The following HNRNPH1 variants were observed in gnomAD, a reference collection of about 807,000 sequenced individuals.
HNRNPH1 encodes heterogeneous nuclear ribonucleoprotein H.
Under a neutral mutation model 58.6 loss-of-function variants are expected in HNRNPH1, and 4 were observed. That is an observed-to-expected ratio of 0.07 (90% confidence interval 0.03 to 0.16). The LOEUF (loss-of-function observed/expected upper bound fraction) is 0.16. HNRNPH1 is among the 10% of genes least tolerant of loss of function. The pLI, the probability that HNRNPH1 is intolerant of heterozygous loss-of-function variation, is 1.00. For missense variants in HNRNPH1, 271 were observed against 564.2 expected (o/e 0.48, Z 5.26); for synonymous variants, 192 against 189.2 (o/e 1.01, Z -0.12).
At chr5:179,630,117 G>A (rs982437411) in intron 2 of HNRNPH1, among the ~76,000 whole-genome samples, 5 of 152,128 alleles carry the variant, frequency 3.3e-5, no homozygotes, top group East Asian at 3.8e-4. Flanking sequence ...GGGAGGCCAA[G>A]GTGGGTGGAT....
chr5:179,617,581 T>C (rs745340265), exon 8 of HNRNPH1: 1 of 1,614,036 alleles, frequency 6.2e-7, no homozygotes, highest in Non-Finnish European at 8.5e-7. Flanking sequence ...CGACATCTGC[T>C]TCACCAGTTA....
Position 179,623,176 on chromosome 5 carries a change from G to C in HNRNPH1, c.-43C>G. The C allele has an allele frequency of 6.9e-7, 1 of 1,456,628 alleles. No homozygotes were observed. Among genetic ancestry groups the C allele is most frequent in the Non-Finnish European group, 9.6e-7 (1 of 1,043,732 alleles). 90.2% of individuals were successfully genotyped at this position (1,456,628 alleles called of 1,614,324 possible). A position where few individuals can be genotyped will look rare whatever the true frequency, so the allele number is the denominator to read the frequency against. On this transcript the variant is annotated 5_prime_UTR_variant, in exon 1 of 13. Coordinates refer to ENST00000356731, the Ensembl canonical transcript of HNRNPH1. Reference sequence around the variant, plus strand: ...GGCGTCGAAACAAACTGCAAAGCGGGGAGGACCAGAACTGAGAGCGCCAAT... The same window carrying C: ...GGCGTCGAAACAAACTGCAAAGCGGCGAGGACCAGAACTGAGAGCGCCAAT...
chr5:179,617,726 G>A (rs1770477546), intron 7 of HNRNPH1, 73 bp downstream of exon 8: 15 of 1,602,814 alleles, frequency 9.4e-6, no homozygotes, highest in South Asian at 2.2e-5. Context: ...CTAACATAGT[G>A]CTCACATTTA....
chr5:179,626,682 C>G (rs906347151), upstream of HNRNPH1, among the ~76,000 whole-genome samples: 54 of 149,190 alleles, frequency 3.6e-4, no homozygotes, highest in Middle Eastern at 3.4e-3. Context: ...CACCACTGCA[C>G]TCCTGCCTGG....
At chr5:179,627,939 A>G (rs560183838), upstream of HNRNPH1, among the ~76,000 whole-genome samples, 1 of 148,116 alleles carries the variant, frequency 6.8e-6, no homozygotes, top group African/African-American at 2.5e-5. Flanking sequence ...AAAAAAGGAA[A>G]AAAATACCAA....
Position 179,623,023 on chromosome 5 carries a change from T to C in HNRNPH1, c.97+14A>G, listed in dbSNP as rs1228447098. On this transcript the variant is annotated intron_variant, in intron 1 of 12. Transcript: ENST00000356731. Reference sequence around the variant, plus strand: ...GCCTCGAACTCGAACTCCCGCGTCCTAGTTCTAACTCACCAGAAAAAAACC... The same window carrying C: ...GCCTCGAACTCGAACTCCCGCGTCCCAGTTCTAACTCACCAGAAAAAAACC... 3.6e-6 allele frequency: 5 copies of C among 1,369,878 alleles called. No homozygotes were observed. The highest frequency in any genetic ancestry group is 4.9e-6 in the Non-Finnish European group (5 of 1,022,910). 84.9% of individuals were successfully genotyped at this position (1,369,878 alleles called of 1,614,324 possible). A position where few individuals can be genotyped will look rare whatever the true frequency, so the allele number is the denominator to read the frequency against.
intron 1 of HNRNPH1, chr5:179,622,043 A>G (rs901024345): frequency 2.0e-5 from 9 of 453,932 alleles, no homozygotes; most frequent in Non-Finnish European, 2.7e-5. Flanking sequence ...ATCCAAATAG[A>G]ATTTTAATCA....
At chr5:179,627,697 T>C (rs1427202180), upstream of HNRNPH1, among the ~76,000 whole-genome samples, 1 of 151,518 alleles carries the variant, frequency 6.6e-6, no homozygotes, top group East Asian at 1.9e-4. Context: ...CTGAGGTGGG[T>C]GGATAACTTG....
intron 12 of HNRNPH1, 143 bp downstream of exon 13, chr5:179,615,403 C>T (rs1769040162): frequency 1.9e-6 from 1 of 525,790 alleles, no homozygotes; most frequent in Non-Finnish European, 3.5e-6. Flanking sequence ...GTGAGACAAC[C>T]AAGCTGGACT....
chr5:179,617,230 C>G, intron 8 of HNRNPH1, 120 bp from the exon 10 acceptor site: 1 of 970,510 alleles, frequency 1.0e-6, no homozygotes, highest in Non-Finnish European at 1.6e-6. Context: ...CAAAGAAATT[C>G]TAGCTACTTC....
intron 2 of HNRNPH1, 25 bp downstream of exon 3, chr5:179,621,217 G>C (rs200530125): frequency 1.2e-6 from 2 of 1,603,816 alleles, no homozygotes; most frequent in Non-Finnish European, 1.7e-6. Context: ...TTTATTTACT[G>C]TAACTAGGGC....
In HNRNPH1 at chr5:179,623,182, C is replaced by G. The variant is rs2127711536; in HGVS notation, c.-49G>C. On this transcript the variant is annotated 5_prime_UTR_variant, in exon 1 of 13. Transcript: ENST00000356731. ...GAAACAAACTGCAAAGCGGGGAGGA[C>G]CAGAACTGAGAGCGCCAATTAAGCT... The G allele has an allele frequency of 7.1e-7, 1 of 1,405,460 alleles. No homozygotes were observed. The highest frequency in any genetic ancestry group is 1.0e-6 in the Non-Finnish European group (1 of 998,820). 87.1% of individuals were successfully genotyped at this position (1,405,460 alleles called of 1,614,324 possible).
intron 1 of HNRNPH1, among the ~76,000 whole-genome samples, chr5:179,622,249 G>A (rs574633511): frequency 1.3e-5 from 2 of 152,284 alleles, no homozygotes; most frequent in East Asian, 1.9e-4. Context: ...ATTAAGACGT[G>A]ACATTTTAAC....
At chr5:179,633,892 T>C (rs1238123032) in intron 2 of HNRNPH1, 1 of 143,004 alleles carries the variant, frequency 7.0e-6, no homozygotes, top group African/African-American at 2.5e-5. Context: ...CACTCCAGCC[T>C]GGGTGATAGA....
chr5:179,621,781 A>G (rs1772486516), intron 1 of HNRNPH1: 3 of 373,572 alleles, frequency 8.0e-6, no homozygotes, highest in East Asian at 1.4e-4. Flanking sequence ...TATCCGTTTT[A>G]CCTTACCAGT....
At chr5:179,616,994 A>G (rs1770072725) in intron 9 of HNRNPH1, 36 bp from the exon 11 acceptor site, 1 of 1,596,910 alleles carries the variant, frequency 6.3e-7, no homozygotes, top group African/African-American at 1.4e-5. Context: ...GGTTAGCTTA[A>G]AAAAAAGACA....
At chr5:179,624,495 C>T (rs774557919) in exon 1 of HNRNPH1, 82 of 398,650 alleles carry the variant, frequency 2.1e-4, no homozygotes, top group Non-Finnish European at 3.3e-4. Context: ...AGCGCGGGCT[C>T]CACGGGTGCG....
rs559501994 is a variant in HNRNPH1, at chr5:179,623,645, C to G, written c.-512G>C. ...ACCCACCGCGACTCACCTAGACACG[C>G]GACTTCTGCGTGGCTAAGACGAAAT... On this transcript the variant is annotated 5_prime_UTR_variant, in exon 1 of 13. Coordinates refer to ENST00000356731, the Ensembl canonical transcript of HNRNPH1. 199 of 153,472 alleles carry G rather than the reference C, an allele frequency of 1.3e-3. 1 individual carries two copies. Among genetic ancestry groups the G allele is most frequent in the South Asian group, 0.01 (56 of 5,448 alleles). 9.5% of individuals were successfully genotyped at this position (153,472 alleles called of 1,614,324 possible).
At chr5:179,625,569 G>C (rs1774312559), upstream of HNRNPH1, among the ~76,000 whole-genome samples, 1 of 148,038 alleles carries the variant, frequency 6.8e-6, no homozygotes, top group Admixed American at 6.9e-5. Context: ...TGAGGCAGGA[G>C]AATCACTTAA....
Sources: allele counts gnomAD v4.1 joint callset (sites outside exome capture counted in the v4.1 genomes callset), GRCh38; gene constraint gnomAD v4.1.1; transcripts MANE v1.5; gene names NCBI Gene and HGNC (gene_info 2026-07-23, HGNC 2026-07-21).